The following ATG7 variants were observed in gnomAD, a reference collection of about 807,000 sequenced individuals.
ATG7 encodes autophagy related 7.
ATG7 carries 70 observed loss-of-function variants against 82.4 expected under a neutral mutation model. That is an observed-to-expected ratio of 0.85 (90% CI 0.70 to 1.04). The LOEUF (loss-of-function observed/expected upper bound fraction) is 1.04, where lower values mean the gene tolerates loss of function less well. ATG7 is among the 50% of genes least tolerant of loss of function. The probability of loss-of-function intolerance (pLI) is 0.00; values close to 1 mark genes in which losing one functional copy is unlikely to be tolerated. For missense variants in ATG7, 792 were observed against 864.3 expected, an observed-to-expected ratio of 0.92 and a Z score of 1.05; for synonymous variants, 287 against 313.0, an observed-to-expected ratio of 0.92 and a Z score of 0.88.
At chr3:11,466,334 T>C (rs143911849) in intron 20 of ATG7, among the ~76,000 whole-genome samples, 4 of 152,366 alleles carry the variant, frequency 2.6e-5, no homozygotes, top group African/African-American at 9.6e-5. Context: ...GTGAGAAAAT[T>C]CTTCAGCAAA....
intron 17 of ATG7, 160 bp downstream of exon 17, chr3:11,363,088 C>G (rs2076382740): frequency 1.6e-6 from 1 of 612,832 alleles, no homozygotes; most frequent in Non-Finnish European, 2.8e-6. Context: ...GTTCTTTGGG[C>G]TGAGATAACT....
chr3:11,526,358 C>T (rs1012170569), intron 20 of ATG7, among the ~76,000 whole-genome samples: 1 of 152,142 alleles, frequency 6.6e-6, no homozygotes, highest in Admixed American at 6.5e-5. Flanking sequence ...CTCCACTGCA[C>T]TCCAGCCTAG....
downstream of ATG7, chr3:11,558,161 C>T (rs551697256): frequency 4.3e-5 from 11 of 254,156 alleles, no homozygotes; most frequent in African/African-American, 2.4e-4. Context: ...GAGCCACACA[C>T]ACCCCGGTCT....
chr3:11,465,786 T>C (rs2086773731), intron 20 of ATG7, among the ~76,000 whole-genome samples: 1 of 151,476 alleles, frequency 6.6e-6, no homozygotes, highest in African/African-American at 2.4e-5. Context: ...TAAAAAAGCC[T>C]GTAGCCCCTC....
the ATG7 span, chr3:11,564,730 G>C: frequency 6.8e-7 from 1 of 1,475,286 alleles, no homozygotes; most frequent in Non-Finnish European, 9.0e-7. Flanking sequence ...TCTGCTCGGG[G>C]CTCTCCATCC....
At chr3:11,413,409 C>T (rs1464333870) in intron 19 of ATG7, among the ~76,000 whole-genome samples, 4 of 152,028 alleles carry the variant, frequency 2.6e-5, no homozygotes, top group South Asian at 2.1e-4. Context: ...CTGCATCAAT[C>T]GAGATGATTG....
chr3:11,389,344 A>G lies in ATG7; in HGVS notation c.1956+9292A>G, dbSNP rs923381298. Among the ~76,000 whole-genome samples the G allele has an allele frequency of 2.0e-5, 3 of 149,354 alleles. No individual in the cohort carries two copies. In the East Asian group the frequency reaches 6.0e-4, roughly 30 times the overall value. ...TAACATGTTATACTGTATTTATGAT[A>G]GTGATATGGATATGAACTTAATCAT... On this transcript the variant is annotated intron_variant, in intron 19 of 20. Coordinates refer to ENST00000693202, the MANE Select transcript of ATG7 (RefSeq NM_001349232.2).
chr3:11,319,018 G>A (rs1223394488), intron 9 of ATG7, among the ~76,000 whole-genome samples: 1 of 152,156 alleles, frequency 6.6e-6, no homozygotes, highest in African/African-American at 2.4e-5. Context: ...AGCAACTTTA[G>A]CACAGAATCT....
chr3:11,488,900 G>A (rs1249268165), intron 20 of ATG7, among the ~76,000 whole-genome samples: 1 of 152,152 alleles, frequency 6.6e-6, no homozygotes, highest in Non-Finnish European at 1.5e-5. Context: ...TTTGGTATCA[G>A]GATGATGCTG....
chr3:11,400,417 A>G lies in ATG7; in HGVS notation c.1956+20365A>G, dbSNP rs185721888. ...AGCTTGAAGACAACAGAAAATAAAT[A>G]GGGACTGTGGCCAACTAGAGCTCAA... is the stretch of plus-strand genomic sequence containing the variant. On this transcript the variant is annotated intron_variant, in intron 19 of 20. Transcript: ENST00000693202. 1.3e-4 allele frequency among the ~76,000 whole-genome samples: 20 copies of G among 152,304 alleles called. 1 individual carries two copies. Among genetic ancestry groups the G allele is most frequent in the African/African-American group, 4.3e-4 (18 of 41,568 alleles).
At chr3:11,362,750 T>C in intron 16 of ATG7, 63 bp from the exon 17 acceptor site, 2 of 1,371,460 alleles carry the variant, frequency 1.5e-6, no homozygotes, top group Non-Finnish European at 2.0e-6. Flanking sequence ...ATTTCATACT[T>C]GAGACAGCTA....
At chr3:11,413,435 G>A (rs13098824) in intron 19 of ATG7, among the ~76,000 whole-genome samples, 24,022 of 151,734 alleles carry the variant, frequency 0.16, 2,760 homozygotes, top group South Asian at 0.34. Flanking sequence ...CTTCCCCCCC[G>A]CCCCACTTTC....
intron 20 of ATG7, among the ~76,000 whole-genome samples, chr3:11,466,155 C>G (rs2086807452): frequency 6.6e-6 from 1 of 152,222 alleles, no homozygotes; most frequent in South Asian, 2.1e-4. Flanking sequence ...GCTGCTGTTC[C>G]TCTAGCGAGA....
At chr3:11,390,850 C>A (rs1052259930) in intron 19 of ATG7, among the ~76,000 whole-genome samples, 1 of 152,190 alleles carries the variant, frequency 6.6e-6, no homozygotes, top group African/African-American at 2.4e-5. Flanking sequence ...ATCTTTTGAG[C>A]TAAGAGCTGG....
intron 20 of ATG7, among the ~76,000 whole-genome samples, chr3:11,536,713 G>A (rs964840899): frequency 3.3e-5 from 5 of 152,076 alleles, no homozygotes; most frequent in Admixed American, 1.3e-4. Flanking sequence ...CTGCGGCTCC[G>A]ACCGGGGCCG....
At chr3:11,365,710 C>G (rs2076558722) in intron 18 of ATG7, among the ~76,000 whole-genome samples, 1 of 152,148 alleles carries the variant, frequency 6.6e-6, no homozygotes, top group African/African-American at 2.4e-5. Context: ...GCTAGGGCGG[C>G]ACTGTCATAT....
intron 20 of ATG7, among the ~76,000 whole-genome samples, chr3:11,433,302 A>G (rs1456364585): frequency 6.6e-6 from 1 of 150,768 alleles, no homozygotes; most frequent in Non-Finnish European, 1.5e-5. Context: ...AAAAAAAAAA[A>G]AAAAAAAAAA....
chr3:11,358,248 A>T (rs1352226132), intron 14 of ATG7, among the ~76,000 whole-genome samples, 170 bp from the exon 15 acceptor site: 1 of 152,078 alleles, frequency 6.6e-6, no homozygotes, highest in Non-Finnish European at 1.5e-5. Flanking sequence ...GTGTTCTAGG[A>T]TGCAGAGGTG....
chr3:11,348,187 C>A, intron 14 of ATG7, 152 bp downstream of exon 14: 1 of 1,090,398 alleles, frequency 9.2e-7, no homozygotes, highest in Non-Finnish European at 1.3e-6. Flanking sequence ...TTCCTCATCT[C>A]AGAGAGGGAT....
Sources: gnomAD v4.1 joint callset for allele counts (sites outside exome capture counted in the v4.1 genomes callset) on GRCh38, gnomAD v4.1.1 for gene constraint, MANE v1.5 for transcripts, NCBI Gene and HGNC (gene_info 2026-07-23, HGNC 2026-07-21) for gene names.